ENO4: variants seen among roughly 807,000 people sequenced by gnomAD.
ENO4 encodes enolase 4, also known as 2-phospho-D-glycerate hydro-lyase.
ENO4 carries 53 observed loss-of-function variants against 63.2 expected under a neutral mutation model. The observed-to-expected ratio is 0.84, with a 90% CI of 0.67 to 1.05. The LOEUF is 1.05. Among genes scored for constraint, ENO4 ranks in the 50% least tolerant of loss-of-function variants. ENO4 has a pLI of 0.00. For synonymous variants in ENO4, 266 were observed against 283.8 expected (o/e 0.94, Z 0.63); for missense variants, 719 against 772.0 (o/e 0.93, Z 0.81).
intron 9 of ENO4, among the ~76,000 whole-genome samples, chr10:116,872,344 C>T (rs1404667989): frequency 6.6e-6 from 1 of 152,102 alleles, no homozygotes; most frequent in Non-Finnish European, 1.5e-5. Flanking sequence ...TTGGCTGTGT[C>T]CCCACCCAAT....
chr10:116,911,655 A>T, exon 11 of ENO4: 2 of 1,568,686 alleles, frequency 1.3e-6, no homozygotes, highest in East Asian at 4.6e-5. Flanking sequence ...AGCACGATCA[A>T]ATAAACTGGC....
downstream of ENO4, chr10:116,883,072 A>G (rs1386658842): frequency 1.3e-5 from 2 of 152,148 alleles, no homozygotes; most frequent in Non-Finnish European, 2.9e-5. Flanking sequence ...AAAATGTACA[A>G]TGAATAACAA....
At chr10:116,869,881 C>G (rs1846642927) in intron 8 of ENO4, among the ~76,000 whole-genome samples, 1 of 146,392 alleles carries the variant, frequency 6.8e-6, no homozygotes, top group Non-Finnish European at 1.5e-5. Flanking sequence ...TCTGGTTCAA[C>G]TTAGTTAACT....
chr10:116,877,856 C>CA (rs1312919186), intron 11 of ENO4, among the ~76,000 whole-genome samples: 1 of 152,188 alleles, frequency 6.6e-6, no homozygotes, highest in African/African-American at 2.4e-5. Context: ...GATAAGAAAA[C>CA]AAGACTTGGA....
intron 10 of ENO4, chr10:116,911,459 T>G (rs1848189930): frequency 6.5e-7 from 1 of 1,547,780 alleles, no homozygotes; most frequent in Non-Finnish European, 8.7e-7. Context: ...ATTATATTTC[T>G]GTTTTTCATC....
At chr10:116,900,996 AAG>A in intron 10 of ENO4, 2 of 985,442 alleles carry the variant, frequency 2.0e-6, no homozygotes, top group Non-Finnish European at 2.4e-6. Context: ...AGTTACAAAA[AAG>A]GGGTTCTTTC....
At position 116,870,591 on chromosome 10, in the gene ENO4, G is replaced by A. The variant is rs987548233; in HGVS notation, c.1048-534G>A. ...GGGGAAGTCGAGGCTGCAGAGCCAC[G>A]TTCAAGCCACTGCACTCCAGCCTGG... On this transcript the variant is annotated intron_variant, in intron 8 of 13. Transcript: ENST00000341276. 6.6e-5 allele frequency among the ~76,000 whole-genome samples: 10 copies of A among 152,288 alleles called. 1 individual carries two copies. Among genetic ancestry groups the A allele is most frequent in the Admixed American group, 5.9e-4 (9 of 15,292 alleles).
intron 11 of ENO4, among the ~76,000 whole-genome samples, chr10:116,877,058 T>C (rs772112847): frequency 9.9e-5 from 15 of 152,198 alleles, no homozygotes; most frequent in Non-Finnish European, 2.2e-4. Flanking sequence ...GTGGAACACC[T>C]GGGTACCCAT....
intron 10 of ENO4, among the ~76,000 whole-genome samples, chr10:116,904,104 C>T (rs1387950786): frequency 6.6e-6 from 1 of 152,206 alleles, no homozygotes; most frequent in African/African-American, 2.4e-5. Flanking sequence ...TGTCTCTCTT[C>T]TGATGTTTCC....
chr10:116,877,702 G>C (rs1258596642), intron 11 of ENO4, among the ~76,000 whole-genome samples: 1 of 152,178 alleles, frequency 6.6e-6, no homozygotes, highest in Non-Finnish European at 1.5e-5. Flanking sequence ...GGGATGACAG[G>C]TGAAAAGCGG....
chr10:116,884,055 C>A (rs1564857020), downstream of ENO4: 6 of 321,696 alleles, frequency 1.9e-5, no homozygotes, highest in East Asian at 5.1e-4. Context: ...GCGCACAAGA[C>A]TTAATTTATC....
At chr10:116,910,317 T>TA (rs1848139354) in intron 10 of ENO4, among the ~76,000 whole-genome samples, 1 of 152,198 alleles carries the variant, frequency 6.6e-6, no homozygotes, top group Non-Finnish European at 1.5e-5. Context: ...TAATGCCAGG[T>TA]AAGGCAGTGA....
chr10:116,910,724 C>G lies in ENO4; in HGVS notation c.1195-775C>G, dbSNP rs113335437. Reference sequence around the variant, plus strand: ...ACAAAAGAGACTGTCATAGGGAGTTCTCCTTAATAGAACACTGAATAACAG... The same window carrying G: ...ACAAAAGAGACTGTCATAGGGAGTTGTCCTTAATAGAACACTGAATAACAG... On this transcript the variant is annotated intron_variant, in intron 10 of 10. Coordinates refer to the ENO4 transcript ENST00000369207. Among the ~76,000 whole-genome samples, 474 of 152,272 alleles carry G rather than the reference C, an allele frequency of 3.1e-3. 1 individual carries two copies. The highest frequency in any genetic ancestry group is 3.8e-3 in the Non-Finnish European group (257 of 68,014).
intron 9 of ENO4, among the ~76,000 whole-genome samples, chr10:116,872,991 A>G (rs1449661164): frequency 6.6e-6 from 1 of 152,176 alleles, no homozygotes; most frequent in East Asian, 1.9e-4. Flanking sequence ...AAAAAATTGC[A>G]TGTTTTCATC....
rs1846822183 is a variant in ENO4 at position 116,875,983 on chromosome 10, T to C, written c.1342-82T>C. On this transcript the variant is annotated intron_variant, in intron 10 of 13. Coordinates refer to ENST00000341276, the MANE Select transcript of ENO4 (RefSeq NM_001242699.2). ...TGCATCTCAGGAAAAATGTGTGAGCTTGAGTATGTGCTATATTATTCCTGT... is the reference window on the plus strand; with the variant it reads ...TGCATCTCAGGAAAAATGTGTGAGCCTGAGTATGTGCTATATTATTCCTGT... 44 of 1,060,076 alleles carry C rather than the reference T, an allele frequency of 4.2e-5. 1 individual carries two copies. In the South Asian group the frequency reaches 9.2e-4, roughly 22 times the overall value. The allele number at this position is 1,060,076 out of a possible 1,614,324, so 65.7% of individuals were successfully genotyped here. A position where few individuals can be genotyped will look rare whatever the true frequency, so the allele number is the denominator to read the frequency against.
At position 116,855,932 on chromosome 10, in the gene ENO4, TA is replaced by T. The variant is rs1266294405; in HGVS notation, c.294+183del. ...ATGATGGCTTTATTATGTTTAAGTG[TA>T]ATTTTGATACAGACATGACATGCTA... On this transcript the variant is annotated intron_variant, in intron 2 of 13. Coordinates refer to ENST00000341276, the MANE Select transcript of ENO4 (RefSeq NM_001242699.2). Among the ~76,000 whole-genome samples the T allele has an allele frequency of 3.3e-5, 5 of 152,308 alleles. No individual in the cohort carries two copies. The East Asian group carries it at 9.6e-4, about 29-fold the overall frequency.
intron 8 of ENO4, among the ~76,000 whole-genome samples, chr10:116,870,098 A>G (rs945872161): frequency 6.6e-6 from 1 of 152,190 alleles, no homozygotes; most frequent in African/African-American, 2.4e-5. Context: ...GTTTCTTCTC[A>G]TTGACATTAA....
intron 9 of ENO4, among the ~76,000 whole-genome samples, chr10:116,873,403 C>T (rs1210995881): frequency 1.3e-5 from 2 of 152,126 alleles, no homozygotes; most frequent in Non-Finnish European, 2.9e-5. Context: ...AGGAAGGGTG[C>T]TTTGTTCTGC....
intron 4 of ENO4, 95 bp downstream of exon 4, chr10:116,859,233 A>T: frequency 7.3e-7 from 1 of 1,374,918 alleles, no homozygotes; most frequent in Non-Finnish European, 9.5e-7. Context: ...TCTTGGCTAC[A>T]GGCCTACTTT....
Sources: allele counts gnomAD v4.1 joint callset (sites outside exome capture counted in the v4.1 genomes callset), GRCh38; gene constraint gnomAD v4.1.1; transcripts MANE v1.5; gene names NCBI Gene and HGNC (gene_info 2026-07-23, HGNC 2026-07-21).